The following PAXIP1 variants were observed in gnomAD, a reference collection of about 807,000 sequenced individuals.
The protein encoded by PAXIP1 is PAX-interacting protein 1.
A neutral mutation model predicts 140.6 loss-of-function variants in PAXIP1; 19 were observed. The observed-to-expected ratio is 0.14, with a 90% CI of 0.09 to 0.20. The LOEUF is 0.20. PAXIP1 is among the 10% of genes least tolerant of loss of function. The probability of loss-of-function intolerance (pLI) is 1.00; values close to 1 mark genes in which losing one functional copy is unlikely to be tolerated. For missense variants in PAXIP1, 920 were observed against 1,208.6 expected (o/e 0.76, Z 3.54); for synonymous variants, 442 against 444.6 (o/e 0.99, Z 0.07).
chr7:154,954,343 G>A lies in PAXIP1; in HGVS notation c.2733C>T (p.Thr911=), dbSNP rs188323567. The A allele has an allele frequency of 2.1e-4, 335 of 1,606,448 alleles. 1 individual carries two copies. In the Admixed American group the frequency reaches 4.5e-3, roughly 22 times the overall value. ...CAGAAATCGCCGTCAGGAACTTCAC[G>A]GTGCGAGTCACTTTGCTGGCAATGA... ...THLIASKVTR[T]VKFLTAISVV... is the part of the protein sequence containing the mutation. The change falls in exon 16 of 21, where the codon ACC becomes ACT. Residue 911 remains threonine (T), a synonymous_variant. Coordinates refer to ENST00000404141, the MANE Select transcript of PAXIP1 (RefSeq NM_007349.4). This position sits in a 1 kb window ranked among gnomAD's most constrained non-coding sequence, Gnocchi z 5.1.
rs1194637439 is a variant in PAXIP1 at position 154,956,213 on chromosome 7, C to CT, written c.2550-583dup. On this transcript the variant is annotated intron_variant, in intron 14 of 20. Coordinates refer to ENST00000404141, the MANE Select transcript of PAXIP1 (RefSeq NM_007349.4). This position sits in a 1 kb window ranked among gnomAD's most constrained non-coding sequence, Gnocchi z 4.2. ...TGTTTTTTACATGAATTTTTTAGGT[C>CT]TTTTTTTCAGGTTATTATTTTCTGA... Among the ~76,000 whole-genome samples, 23 of 151,958 alleles carry CT rather than the reference C, an allele frequency of 1.5e-4. No individual in the cohort carries two copies. Among genetic ancestry groups the CT allele is most frequent in the Non-Finnish European group, 3.2e-4 (22 of 67,980 alleles).
intron 13 of PAXIP1, among the ~76,000 whole-genome samples, chr7:154,958,716 G>A (rs1345145364): frequency 6.6e-6 from 1 of 152,132 alleles, no homozygotes; most frequent in African/African-American, 2.4e-5. Context: ...AAGATTTTTA[G>A]CTTTTAATTA....
chr7:154,994,545 G>A (rs140923020), intron 2 of PAXIP1, among the ~76,000 whole-genome samples: 12 of 152,214 alleles, frequency 7.9e-5, no homozygotes, highest in African/African-American at 2.6e-4. Flanking sequence ...GGTGCAAGGC[G>A]CTGGGGATGT....
At chr7:154,983,378 G>A in intron 4 of PAXIP1, 46 bp from the exon 5 acceptor site, 1 of 871,838 alleles carries the variant, frequency 1.1e-6, no homozygotes, top group Middle Eastern at 2.1e-4. Context: ...ATTTCAATCT[G>A]TGCATGGCTA....
At chr7:154,975,297 A>G (rs541531196) in intron 6 of PAXIP1, among the ~76,000 whole-genome samples, 1 of 152,302 alleles carries the variant, frequency 6.6e-6, no homozygotes, top group South Asian at 2.1e-4. Context: ...AATTTGTGTT[A>G]TTTATTTACT....
At chr7:155,000,121 C>T (rs548058147) in intron 1 of PAXIP1, 100 of 152,184 alleles carry the variant, frequency 6.6e-4, no homozygotes, top group African/African-American at 2.3e-3. Flanking sequence ...CAGCAGAGAG[C>T]TTTCTTCTTT....
intron 3 of PAXIP1, among the ~76,000 whole-genome samples, chr7:154,991,690 C>T (rs909693814): frequency 1.2e-4 from 19 of 152,198 alleles, no homozygotes; most frequent in Admixed American, 5.2e-4. Context: ...TTAATGAGCA[C>T]TTACTACACA....
At chr7:154,957,051 T>G (rs1808546115) in intron 14 of PAXIP1, 173 bp downstream of exon 14, 2 of 447,692 alleles carry the variant, frequency 4.5e-6, no homozygotes, top group Non-Finnish European at 7.9e-6. Flanking sequence ...AAAAATATAC[T>G]GGCCTATGTC....
At position 154,955,516 on chromosome 7, in the gene PAXIP1, G is replaced by C; in HGVS notation, c.2652+13C>G. 6.6e-7 allele frequency: 1 copy of C among 1,518,586 alleles called. No homozygotes were observed. Among genetic ancestry groups the C allele is most frequent in the Non-Finnish European group, 9.1e-7 (1 of 1,094,302 alleles). The allele number at this position is 1,518,586 out of a possible 1,614,324, so 94.1% of individuals were successfully genotyped here. On this transcript the variant is annotated intron_variant, in intron 15 of 20. Transcript: ENST00000404141. ...CTGCTAAAAATCCTTGTACGAAGTA[G>C]ATGAAATTTCACCTTAATATACTGT... is the stretch of plus-strand genomic sequence containing the variant.
rs185151522 is a variant in PAXIP1 at position 154,986,256 on chromosome 7, G to A, written c.325-2924C>T. 104 of 1,084,806 alleles carry A rather than the reference G, an allele frequency of 9.6e-5. No homozygotes were observed. The Admixed American group carries it at 2.1e-3, about 22-fold the overall frequency. 67.2% of individuals were successfully genotyped at this position (1,084,806 alleles called of 1,614,324 possible). On this transcript the variant is annotated intron_variant, in intron 4 of 20. Transcript: ENST00000404141. This position sits in a 1 kb window ranked among gnomAD's most constrained non-coding sequence, Gnocchi z 4.8. ...TTGTAAAGCTGGGGTCCTGCCTGGC[G>A]TGTGCATGTGAGTGTGTGTGCGCAT...
chr7:154,998,328 T>C (rs114391020), intron 2 of PAXIP1, among the ~76,000 whole-genome samples: 149 of 152,130 alleles, frequency 9.8e-4, no homozygotes, highest in African/African-American at 3.4e-3. Flanking sequence ...GCCCAACATG[T>C]TGAAACCCTG....
rs1291975370 is a variant in PAXIP1 at position 154,976,148 on chromosome 7, A to T, written c.622T>A (p.Ser208Thr). 1 of 1,580,976 alleles carries T rather than the reference A, an allele frequency of 6.3e-7. No individual in the cohort carries two copies. Among genetic ancestry groups the T allele is most frequent in the Admixed American group, 1.9e-5 (1 of 53,834 alleles). ...TCATCTGTACTACCCTCATTCTGAG[A>T]ATCTTGTTCCTCATTTTCTACTTCC... ...EEEVENEEQD[S>T]QNEGSTDEKS... is the part of the protein sequence containing the mutation. Residue 208 changes from serine to threonine, a missense_variant, in exon 6 of 21, where the codon TCT becomes ACT. Ser to Thr is a moderately conservative substitution (Grantham distance 58). Around this residue, in one of 5 missense-constraint regions of PAXIP1, gnomAD observed 419 missense variants for 514.7 expected, o/e 0.81. Transcript: ENST00000404141.
rs190873474 is a variant in PAXIP1 at position 154,978,451 on chromosome 7, T to C, written c.439-2120A>G. 1.2e-4 allele frequency among the ~76,000 whole-genome samples: 18 copies of C among 152,350 alleles called. No homozygotes were observed. The East Asian group carries it at 1.9e-3, about 16-fold the overall frequency. On this transcript the variant is annotated intron_variant, in intron 5 of 20. Coordinates refer to ENST00000404141, the MANE Select transcript of PAXIP1 (RefSeq NM_007349.4). ...CTATGTAAGAGTACATCAATTTACC[T>C]ATACCCTCGACAATAAAATGTCTTA...
intron 14 of PAXIP1, chr7:154,957,017 A>G (rs1167152345): frequency 1.2e-5 from 5 of 406,506 alleles, no homozygotes; most frequent in Non-Finnish European, 2.2e-5. Flanking sequence ...CACTTAAAGA[A>G]AAAGACTGAA....
intron 5 of PAXIP1, among the ~76,000 whole-genome samples, chr7:154,976,648 T>C (rs1294510757): frequency 6.6e-6 from 1 of 152,248 alleles, no homozygotes; most frequent in Non-Finnish European, 1.5e-5. Context: ...TGGAAAATTA[T>C]GAAATGAATA....
At chr7:154,949,402 C>T (rs1808162772) in intron 16 of PAXIP1, 1 of 151,926 alleles carries the variant, frequency 6.6e-6, no homozygotes, top group Non-Finnish European at 1.5e-5. Context: ...ATCCCTGAGT[C>T]AACCAGCAGA....
chr7:154,972,190 TG>T (rs1193668812), intron 6 of PAXIP1, among the ~76,000 whole-genome samples: 2 of 152,176 alleles, frequency 1.3e-5, no homozygotes, highest in Non-Finnish European at 2.9e-5. Flanking sequence ...CCATTGTATT[TG>T]AAAAACATAA....
chr7:154,961,577 G>A lies in PAXIP1; in HGVS notation c.2199C>T (p.Ala733=). 6.2e-7 allele frequency: 1 copy of A among 1,607,358 alleles called. No homozygotes were observed. Among genetic ancestry groups the A allele is most frequent in the Non-Finnish European group, 8.5e-7 (1 of 1,176,380 alleles). ...DLKLMAYLAG[A]KYTGYLCRSN... is the part of the protein sequence containing the mutation. ...TGCGGCATAGATAACCCGTATATTT[G>A]GCACCTGCCAAATAAGCCATTAATT... The change falls in exon 11 of 21, where the codon GCC becomes GCT. Residue 733 remains alanine, a synonymous_variant. Coordinates refer to ENST00000404141, the MANE Select transcript of PAXIP1 (RefSeq NM_007349.4).
intron 17 of PAXIP1, 190 bp downstream of exon 17, chr7:154,947,713 A>C (rs1808058665): frequency 7.1e-6 from 4 of 565,278 alleles, no homozygotes; most frequent in Non-Finnish European, 1.3e-5. Flanking sequence ...TTCTCTAGAG[A>C]TGTGCTGTGG....
Sources: gnomAD v4.1 joint callset for allele counts (sites outside exome capture counted in the v4.1 genomes callset) on GRCh38, gnomAD v4.1.1 for gene constraint, gnomAD v4.1.1 regional missense constraint, Gnocchi (gnomAD v3.1) non-coding constraint, MANE v1.5 for transcripts, NCBI Gene and HGNC (gene_info 2026-07-23, HGNC 2026-07-21) for gene names.